Variants in USH1G observed in about 807,000 individuals in gnomAD.
The protein encoded by USH1G is pre-mRNA splicing regulator USH1G.
USH1G carries 27 observed loss-of-function variants against 31.9 expected under a neutral mutation model. The observed-to-expected ratio is 0.85, with a 90% CI of 0.62 to 1.17. The LOEUF is 1.17. Among genes scored for constraint, USH1G ranks in the 50% most tolerant of loss-of-function variants. The probability of loss-of-function intolerance (pLI) is 0.00; values close to 1 mark genes in which losing one functional copy is unlikely to be tolerated. For synonymous variants in USH1G, 266 were observed against 283.2 expected, an observed-to-expected ratio of 0.94 and a Z score of 0.61; for missense variants, 674 against 638.9, an observed-to-expected ratio of 1.05 and a Z score of -0.59.
rs778771485 is a variant in USH1G, at chr17:74,919,621, G to A, written c.1215C>T (p.Ala405=). The A allele has an allele frequency of 1.2e-6, 2 of 1,612,810 alleles. No individual in the cohort carries two copies. The highest frequency in any genetic ancestry group is 2.2e-5 in the South Asian group (2 of 91,086). The change falls in exon 2 of 3, where the codon GCC becomes GCT. Residue 405 remains alanine, a synonymous_variant. Coordinates refer to ENST00000614341, the MANE Select transcript of USH1G (RefSeq NM_173477.5). The surrounding 1 kb of genome is among the most constrained non-coding windows in gnomAD (Gnocchi z 4.5). Reference sequence around the variant, plus strand: ...CGATCTTCTCCTGCCGCAGGAGGGCGGCAAAGTCCTCCATGTGCAGAGAGG... The same window carrying A: ...CGATCTTCTCCTGCCGCAGGAGGGCAGCAAAGTCCTCCATGTGCAGAGAGG... The part of the protein sequence containing the change: ...FLASLHMEDF[A]ALLRQEKIDL...
At position 74,923,097 on chromosome 17, in the gene USH1G, G is replaced by A. The variant is rs1200382713; in HGVS notation, c.-24C>T. 6.4e-7 allele frequency: 1 copy of A among 1,557,676 alleles called. No homozygotes were observed. The highest frequency in any genetic ancestry group is 8.7e-7 in the Non-Finnish European group (1 of 1,148,228). ...ATGGCGCCCGAAGTGGACGGGGCGG[G>A]CGGGGGACACGGAGAAAGGCCCCCC... On this transcript the variant is annotated 5_prime_UTR_variant, in exon 1 of 3. Transcript: ENST00000614341. The surrounding 1 kb of genome is among the most constrained non-coding windows in gnomAD (Gnocchi z 5.3).
Position 74,917,167 on chromosome 17 carries a change from T to G in USH1G, c.*906A>C, listed in dbSNP as rs2038878733. 6.6e-6 allele frequency: 1 copy of G among 152,354 alleles called. No individual in the cohort carries two copies. The highest frequency in any genetic ancestry group is 2.1e-4 in the South Asian group (1 of 4,842). 9.4% of individuals were successfully genotyped at this position (152,354 alleles called of 1,614,324 possible). On this transcript the variant is annotated 3_prime_UTR_variant, in exon 3 of 3. Coordinates refer to ENST00000614341, the MANE Select transcript of USH1G (RefSeq NM_173477.5). Reference sequence around the variant, plus strand: ...TTCTCCAGTGTCCACATCGCAGGACTTACCCACCCCAGGCCTGACACCCAG... The same window carrying G: ...TTCTCCAGTGTCCACATCGCAGGACGTACCCACCCCAGGCCTGACACCCAG...
rs186770264 is a variant in USH1G, at chr17:74,917,731, G to T, written c.*342C>A. 4 of 385,000 alleles carry T rather than the reference G, an allele frequency of 1.0e-5. No homozygotes were observed. Among genetic ancestry groups the T allele is most frequent in the African/African-American group, 8.1e-5 (4 of 49,258 alleles). The allele number at this position is 385,000 out of a possible 1,614,324, so 23.8% of individuals were successfully genotyped here. ...GCGCCCGGGACAGGTGCACCCTCCC[G>T]CATCCACCTCCCACACTCTCATCCA... On this transcript the variant is annotated 3_prime_UTR_variant, in exon 3 of 3. Coordinates refer to ENST00000614341, the MANE Select transcript of USH1G (RefSeq NM_173477.5).
Position 74,917,597 on chromosome 17 carries a change from A to G in USH1G, c.*476T>C. 5.8e-6 allele frequency: 1 copy of G among 171,398 alleles called. No individual in the cohort carries two copies. Among genetic ancestry groups the G allele is most frequent in the Admixed American group, 5.6e-5 (1 of 17,802 alleles). The allele number at this position is 171,398 out of a possible 1,614,324, so 10.6% of individuals were successfully genotyped here. A position where few individuals can be genotyped will look rare whatever the true frequency, so the allele number is the denominator to read the frequency against. ...CTTCCCCTCTGGGGTGGACGGGAGG[A>G]GGGGAGGCAGCCCAAACTCTTCCCT... On this transcript the variant is annotated 3_prime_UTR_variant, in exon 3 of 3. Coordinates refer to ENST00000614341, the MANE Select transcript of USH1G (RefSeq NM_173477.5).
Position 74,920,501 on chromosome 17 carries a change from T to C in USH1G, c.335A>G (p.Glu112Gly), listed in dbSNP as rs2038929957. Residue 112 changes from glutamate (E) to glycine (G), a missense_variant, in exon 2 of 3, where the codon GAA becomes GGA. Coordinates refer to ENST00000614341, the MANE Select transcript of USH1G (RefSeq NM_173477.5). This position sits in a 1 kb window ranked among gnomAD's most constrained non-coding sequence, Gnocchi z 5.2. ...GATGGAGTCCAGGTAGCGCACGCAT[T>C]CCATGTGGCCCTTCATGGCAGCCAT... The part of the protein sequence containing the change: ...LDMAAMKGHM[E>G]CVRYLDSIAA... The C allele has an allele frequency of 6.2e-7, 1 of 1,613,678 alleles. No individual in the cohort carries two copies. The highest frequency in any genetic ancestry group is 1.7e-5 in the Admixed American group (1 of 60,004).
chr17:74,920,135 G>A lies in USH1G; in HGVS notation c.701C>T (p.Ser234Phe). The A allele has an allele frequency of 6.2e-7, 1 of 1,602,722 alleles. No homozygotes were observed. Among genetic ancestry groups the A allele is most frequent in the South Asian group, 1.1e-5 (1 of 91,066 alleles). ...KQGGEGTFKV[S>F]EDGRKSARSL... ...GCGGGCGCTCTTGCGCCCATCCTCG[G>A]AGACCTTGAAGGTGCCTTCGCCGCC... The change falls in exon 2 of 3, where the codon TCC becomes TTC. Residue 234 changes from serine to phenylalanine, a missense_variant. Transcript: ENST00000614341. The surrounding 1 kb of genome is among the most constrained non-coding windows in gnomAD (Gnocchi z 5.2).
Position 74,920,713 on chromosome 17 carries a change from G to A in USH1G, c.165-42C>T. On this transcript the variant is annotated intron_variant, in intron 1 of 2. Transcript: ENST00000614341. This position sits in a 1 kb window ranked among gnomAD's most constrained non-coding sequence, Gnocchi z 5.2. ...CAGGAGGGACGAGTGACGAGTCCTG[G>A]CTGGGGATGGAGGTGGAGGGAGTGG... is the stretch of plus-strand genomic sequence containing the variant. 6.2e-7 allele frequency: 1 copy of A among 1,611,562 alleles called. No individual in the cohort carries two copies. The highest frequency in any genetic ancestry group is 1.1e-5 in the South Asian group (1 of 90,956).
chr17:74,923,215 G>C lies in USH1G; in HGVS notation c.-142C>G. 2 of 674,240 alleles carry C rather than the reference G, an allele frequency of 3.0e-6. No individual in the cohort carries two copies. Among genetic ancestry groups the C allele is most frequent in the Non-Finnish European group, 4.3e-6 (2 of 460,394 alleles). The allele number at this position is 674,240 out of a possible 1,614,324, so 41.8% of individuals were successfully genotyped here. ...GCCGCCAGCCCCCGCTGCCGCAGAC[G>C]GAGGGTGCGGAGCGCCAGAGCCGCG... On this transcript the variant is annotated 5_prime_UTR_variant, in exon 1 of 3. Transcript: ENST00000614341. This position sits in a 1 kb window ranked among gnomAD's most constrained non-coding sequence, Gnocchi z 5.3.
chr17:74,920,123 C>A lies in USH1G; in HGVS notation c.713G>T (p.Arg238Leu). The stretch of plus-strand genomic sequence containing the variant: ...GCCCGAGAGCGAGCGGGCGCTCTTG[C>A]GCCCATCCTCGGAGACCTTGAAGGT... Reference protein sequence around the residue: ...EGTFKVSEDGRKSARSLSGLQ... With the variant: ...EGTFKVSEDGLKSARSLSGLQ... The change falls in exon 2 of 3, where the codon CGC becomes CTC. Residue 238 changes from arginine (R) to leucine (L), a missense_variant. Transcript: ENST00000614341. This position sits in a 1 kb window ranked among gnomAD's most constrained non-coding sequence, Gnocchi z 5.2. 6.2e-7 allele frequency: 1 copy of A among 1,602,798 alleles called. No homozygotes were observed. The highest frequency in any genetic ancestry group is 1.7e-5 in the Admixed American group (1 of 60,010).
chr17:74,920,427 C>T lies in USH1G; in HGVS notation c.409G>A (p.Asp137Asn), dbSNP rs770131812. The T allele has an allele frequency of 6.2e-7, 1 of 1,613,624 alleles. No individual in the cohort carries two copies. The highest frequency in any genetic ancestry group is 8.5e-7 in the Non-Finnish European group (1 of 1,180,050). ...CGCTCCGCCTCGCGGAAGGCCTTGT[C>T]CTTCAGCTTACCCACCAGCTTGGGG... ...LNPKLVGKLK[D>N]KAFREAERRI... The change falls in exon 2 of 3, where the codon GAC (aspartate) becomes AAC (asparagine). Residue 137 changes from aspartate to asparagine, a missense_variant. Coordinates refer to ENST00000614341, the MANE Select transcript of USH1G (RefSeq NM_173477.5). The surrounding 1 kb of genome is among the most constrained non-coding windows in gnomAD (Gnocchi z 5.2).
At position 74,919,743 on chromosome 17, in the gene USH1G, C is replaced by T. The variant is rs538983393; in HGVS notation, c.1093G>A (p.Asp365Asn). 28 of 1,612,996 alleles carry T rather than the reference C, an allele frequency of 1.7e-5. No homozygotes were observed. In the South Asian group the frequency reaches 2.1e-4, roughly 12 times the overall value. Reference protein sequence around the residue: ...DSLGSANSLQDRSCGEELPWD... With the variant: ...DSLGSANSLQNRSCGEELPWD... ...GGCAGCTCCTCCCCACAGCTGCGGTCCTGCAGGCTGTTGGCACTGCCCAGG... is the reference window on the plus strand; with the variant it reads ...GGCAGCTCCTCCCCACAGCTGCGGTTCTGCAGGCTGTTGGCACTGCCCAGG... The change falls in exon 2 of 3, where the codon GAC (aspartate) becomes AAC (asparagine). Residue 365 changes from aspartate to asparagine, a missense_variant. Coordinates refer to ENST00000614341, the MANE Select transcript of USH1G (RefSeq NM_173477.5). The surrounding 1 kb of genome is among the most constrained non-coding windows in gnomAD (Gnocchi z 4.5).
In USH1G at chr17:74,921,359, G is replaced by A. The variant is rs574764017; in HGVS notation, c.165-688C>T. On this transcript the variant is annotated intron_variant, in intron 1 of 2. Coordinates refer to ENST00000614341, the MANE Select transcript of USH1G (RefSeq NM_173477.5). This position sits in a 1 kb window ranked among gnomAD's most constrained non-coding sequence, Gnocchi z 4.6. ...TGCTCCGAAGCCCTCCCTTCCCTAG[G>A]TTGCCCCCTCTTTGGTATCCCTGCA... Among the ~76,000 whole-genome samples the A allele has an allele frequency of 6.6e-6, 1 of 152,122 alleles. No homozygotes were observed. Among genetic ancestry groups the A allele is most frequent in the Non-Finnish European group, 1.5e-5 (1 of 67,948 alleles).
Position 74,918,232 on chromosome 17 carries a change from A to G in USH1G, c.1383-156T>C, listed in dbSNP as rs1398911661. Among the ~76,000 whole-genome samples the G allele has an allele frequency of 6.6e-6, 1 of 152,074 alleles. No individual in the cohort carries two copies. The highest frequency in any genetic ancestry group is 1.9e-4 in the East Asian group (1 of 5,152). On this transcript the variant is annotated intron_variant, in intron 2 of 2. Transcript: ENST00000614341. This position sits in a 1 kb window ranked among gnomAD's most constrained non-coding sequence, Gnocchi z 4.1. ...ACGCCAGCCTATGGGTGACCTCCCC[A>G]TCCCCAAAACTCTGAACCAGCCTGC...
At position 74,919,530 on chromosome 17, in the gene USH1G, G is replaced by C. The variant is rs755908331; in HGVS notation, c.1306C>G (p.Arg436Gly). The part of the protein sequence containing the change: ...LRSISVPLGP[R>G]KKILGAVRRR... ...CTCACGGCCCCCAAGATCTTCTTTC[G>C]GGGCCCCAGTGGGACGCTGATGCTG... The change falls in exon 2 of 3, where the codon CGA (arginine) becomes GGA (glycine). Residue 436 changes from arginine (R) to glycine (G), a missense_variant. Arg to Gly is a moderately radical substitution (Grantham distance 125, BLOSUM62 -2). Transcript: ENST00000614341. The surrounding 1 kb of genome is among the most constrained non-coding windows in gnomAD (Gnocchi z 4.5). 6 of 1,611,938 alleles carry C rather than the reference G, an allele frequency of 3.7e-6. No individual in the cohort carries two copies. Among genetic ancestry groups the C allele is most frequent in the Admixed American group, 3.3e-5 (2 of 60,014 alleles).
Position 74,920,530 on chromosome 17 carries a change from C to T in USH1G, c.306G>A (p.Leu102=), listed in dbSNP as rs2038930478. The change falls in exon 2 of 3, where the codon CTG becomes CTA. Residue 102 remains leucine, a synonymous_variant. Coordinates refer to ENST00000614341, the MANE Select transcript of USH1G (RefSeq NM_173477.5). The surrounding 1 kb of genome is among the most constrained non-coding windows in gnomAD (Gnocchi z 5.2). ...TGTGGCCCTTCATGGCAGCCATGTCCAGCGGCGTGTGGTAGTCGTTGTCTA... is the reference window on the plus strand; with the variant it reads ...TGTGGCCCTTCATGGCAGCCATGTCTAGCGGCGTGTGGTAGTCGTTGTCTA... The part of the protein sequence containing the change: ...WCLDNDYHTP[L]DMAAMKGHME... 1 of 1,613,638 alleles carries T rather than the reference C, an allele frequency of 6.2e-7. No individual in the cohort carries two copies. Among genetic ancestry groups the T allele is most frequent in the African/African-American group, 1.3e-5 (1 of 74,938 alleles).
rs759703993 is a variant in USH1G, at chr17:74,920,659, G to A, written c.177C>T (p.Asp59=). The A allele has an allele frequency of 3.1e-6, 5 of 1,613,676 alleles. No homozygotes were observed. Among genetic ancestry groups the A allele is most frequent in the African/African-American group, 1.3e-5 (1 of 75,056 alleles). Residue 59 remains aspartate (D), a synonymous_variant, in exon 2 of 3, where the codon GAC becomes GAT. Coordinates refer to ENST00000614341, the MANE Select transcript of USH1G (RefSeq NM_173477.5). This position sits in a 1 kb window ranked among gnomAD's most constrained non-coding sequence, Gnocchi z 5.2. The stretch of plus-strand genomic sequence containing the variant: ...GTGTGTTGCCCCAGATGTCACACTT[G>A]TCCGGGTCACCCCTGCAGGGAAAGC... ...RLIVSRGGDP[D]KCDIWGNTPL...
chr17:74,918,786 G>T lies in USH1G; in HGVS notation c.1382+668C>A, dbSNP rs1189248895. Reference sequence around the variant, plus strand: ...GATTGTGCCACTGCACTCCAGCCTGGATGACAAGAGGGAAACTGTCTCAAA... The same window carrying T: ...GATTGTGCCACTGCACTCCAGCCTGTATGACAAGAGGGAAACTGTCTCAAA... On this transcript the variant is annotated intron_variant, in intron 2 of 2. Transcript: ENST00000614341. The surrounding 1 kb of genome is among the most constrained non-coding windows in gnomAD (Gnocchi z 4.1). 1.3e-5 allele frequency among the ~76,000 whole-genome samples: 2 copies of T among 149,242 alleles called. No homozygotes were observed.
rs1359415383 is a variant in USH1G, at chr17:74,919,663, C to A, written c.1173G>T (p.Pro391=). The change falls in exon 2 of 3, where the codon CCG becomes CCT. Residue 391 remains proline (P), a synonymous_variant. Coordinates refer to ENST00000614341, the MANE Select transcript of USH1G (RefSeq NM_173477.5). The surrounding 1 kb of genome is among the most constrained non-coding windows in gnomAD (Gnocchi z 4.5). ...LDEDLEPETS[P]LETFLASLHM... is the part of the protein sequence containing the mutation. ...GCAGAGAGGCCAGGAAGGTCTCCAG[C>A]GGGCTAGTCTCGGGCTCCAGGTCCT... 3 of 1,612,700 alleles carry A rather than the reference C, an allele frequency of 1.9e-6. No homozygotes were observed. The highest frequency in any genetic ancestry group is 2.5e-6 in the Non-Finnish European group (3 of 1,180,030).
At position 74,918,112 on chromosome 17, in the gene USH1G, A is replaced by G; in HGVS notation, c.1383-36T>C. On this transcript the variant is annotated intron_variant, in intron 2 of 2. Transcript: ENST00000614341. This position sits in a 1 kb window ranked among gnomAD's most constrained non-coding sequence, Gnocchi z 4.1. Reference sequence around the variant, plus strand: ...AGAGACAGAAAGAAACAGATCTCACATGAGGCCCTCCAGAGGCATCATTTT... The same window carrying G: ...AGAGACAGAAAGAAACAGATCTCACGTGAGGCCCTCCAGAGGCATCATTTT... The G allele has an allele frequency of 6.2e-7, 1 of 1,613,486 alleles. No individual in the cohort carries two copies. Among genetic ancestry groups the G allele is most frequent in the Admixed American group, 1.7e-5 (1 of 59,950 alleles).
Sources: gnomAD v4.1 joint callset for allele counts (sites outside exome capture counted in the v4.1 genomes callset) on GRCh38, gnomAD v4.1.1 for gene constraint, Gnocchi (gnomAD v3.1) non-coding constraint, MANE v1.5 for transcripts, NCBI Gene and HGNC (gene_info 2026-07-23, HGNC 2026-07-21) for gene names.